The following TTC28 variants were observed in gnomAD, a reference collection of about 807,000 sequenced individuals.
TTC28 encodes tetratricopeptide repeat protein 28.
TTC28 carries 61 observed loss-of-function variants against 198.0 expected under a neutral mutation model. That is an observed-to-expected ratio of 0.31 (90% CI 0.25 to 0.38). TTC28 has a LOEUF of 0.38. TTC28 is among the 10% of genes least tolerant of loss of function. TTC28 has a pLI of 1.00. For synonymous variants in TTC28, 1,171 were observed against 1,297.8 expected (o/e 0.90, Z 2.10); for missense variants, 2,678 against 3,164.0 (o/e 0.85, Z 3.69).
At chr22:28,667,242 G>A (rs893047724) in intron 1 of TTC28, among the ~76,000 whole-genome samples, 20 of 38,674 alleles carry the variant, frequency 5.2e-4, no homozygotes, top group African/African-American at 2.4e-3. Flanking sequence ...ACTGGCACAA[G>A]ACAGGGATGC....
chr22:28,395,257 G>A (rs1447963082), intron 2 of TTC28, among the ~76,000 whole-genome samples: 1 of 152,160 alleles, frequency 6.6e-6, no homozygotes, highest in East Asian at 1.9e-4. Context: ...TACAAAGAGA[G>A]AGCAAATTAA....
chr22:28,673,305 C>G (rs1250318172), intron 1 of TTC28, among the ~76,000 whole-genome samples: 1 of 152,040 alleles, frequency 6.6e-6, no homozygotes. Context: ...ACCCAGAAGG[C>G]GGAGCTTGCA....
intron 1 of TTC28, among the ~76,000 whole-genome samples, chr22:28,634,785 A>G (rs1444433923): frequency 1.3e-5 from 2 of 151,540 alleles, no homozygotes; most frequent in Non-Finnish European, 1.5e-5. Flanking sequence ...CGGTTTTGCC[A>G]TGTTGGCCAG....
At chr22:28,205,586 A>G (rs1926335063) in intron 5 of TTC28, among the ~76,000 whole-genome samples, 1 of 152,144 alleles carries the variant, frequency 6.6e-6, no homozygotes, top group South Asian at 2.1e-4. Context: ...TGATTGACCT[A>G]TTTGGCTAGT....
intron 3 of TTC28, among the ~76,000 whole-genome samples, chr22:28,298,656 G>A (rs1442786991): frequency 6.6e-6 from 1 of 152,120 alleles, no homozygotes; most frequent in East Asian, 1.9e-4. Flanking sequence ...TCATTAGGTT[G>A]CTCAGGCTGT....
intron 12 of TTC28, among the ~76,000 whole-genome samples, chr22:28,093,625 G>A (rs765300487): frequency 6.6e-6 from 1 of 152,086 alleles, no homozygotes; most frequent in Non-Finnish European, 1.5e-5. Context: ...TGAGAGTTCA[G>A]CTCCTTTCAC....
intron 2 of TTC28, among the ~76,000 whole-genome samples, chr22:28,362,702 G>T (rs936013503): frequency 6.6e-5 from 10 of 152,174 alleles, no homozygotes; most frequent in African/African-American, 2.2e-4. Context: ...GTCTCAGATG[G>T]AGATGGGGAA....
intron 2 of TTC28, among the ~76,000 whole-genome samples, chr22:28,391,893 G>A (rs979297690): frequency 5.9e-5 from 9 of 152,208 alleles, no homozygotes; most frequent in East Asian, 1.9e-4. Flanking sequence ...GAGGAACTGC[G>A]TTCCTTTGGA....
chr22:28,072,401 C>T (rs547881127), intron 12 of TTC28, among the ~76,000 whole-genome samples: 2 of 152,202 alleles, frequency 1.3e-5, no homozygotes, highest in East Asian at 1.9e-4. Context: ...ACTGCTAAGT[C>T]GTCATCTGGC....
intron 5 of TTC28, among the ~76,000 whole-genome samples, chr22:28,279,051 A>T (rs560040851): frequency 1.9e-4 from 29 of 152,252 alleles, no homozygotes; most frequent in African/African-American, 7.0e-4. Context: ...TTCTTTCACT[A>T]CCAAGACTTC....
intron 2 of TTC28, among the ~76,000 whole-genome samples, chr22:28,394,442 A>G (rs1356624858): frequency 6.6e-6 from 1 of 152,090 alleles, no homozygotes; most frequent in East Asian, 1.9e-4. Flanking sequence ...TCTTCTCCAA[A>G]CTCTGGGATT....
chr22:28,202,762 T>C (rs748124238), intron 5 of TTC28, among the ~76,000 whole-genome samples: 3 of 152,170 alleles, frequency 2.0e-5, no homozygotes, highest in Non-Finnish European at 4.4e-5. Flanking sequence ...TCTGGTAATT[T>C]AGGCCTGGTT....
intron 2 of TTC28, among the ~76,000 whole-genome samples, chr22:28,465,500 T>C (rs1255952933): frequency 6.6e-6 from 1 of 152,024 alleles, no homozygotes; most frequent in Non-Finnish European, 1.5e-5. Flanking sequence ...GGTGTGTGCC[T>C]GTAATCCCAG....
At chr22:28,195,812 C>A (rs965839094) in intron 5 of TTC28, among the ~76,000 whole-genome samples, 7 of 147,540 alleles carry the variant, frequency 4.7e-5, no homozygotes, top group Admixed American at 4.1e-4. Context: ...GAAGAACATT[C>A]CATGCTCCGG....
At chr22:28,333,838 T>G (rs947400516) in intron 2 of TTC28, among the ~76,000 whole-genome samples, 179 of 152,156 alleles carry the variant, frequency 1.2e-3, no homozygotes, top group African/African-American at 4.1e-3. Flanking sequence ...AAAAAATCAC[T>G]GTATTTTCTT....
chr22:28,286,213 C>T (rs531689321), intron 5 of TTC28, among the ~76,000 whole-genome samples: 1 of 152,086 alleles, frequency 6.6e-6, no homozygotes, highest in Non-Finnish European at 1.5e-5. Flanking sequence ...CATTTTTAGA[C>T]ATGTATATTT....
chr22:28,422,743 C>G (rs1009556115), intron 2 of TTC28, among the ~76,000 whole-genome samples: 1 of 151,988 alleles, frequency 6.6e-6, no homozygotes, highest in African/African-American at 2.4e-5. Context: ...CCGCACCCAG[C>G]CAAATAAGTT....
At chr22:28,373,457 T>G (rs2046366710) in intron 2 of TTC28, among the ~76,000 whole-genome samples, 1 of 152,196 alleles carries the variant, frequency 6.6e-6, no homozygotes, top group Admixed American at 6.5e-5. Context: ...AGAATTCATC[T>G]ATTGGAGAAG....
At chr22:28,342,531 C>A (rs576997498) in intron 2 of TTC28, among the ~76,000 whole-genome samples, 1 of 152,004 alleles carries the variant, frequency 6.6e-6, no homozygotes, top group Non-Finnish European at 1.5e-5. Flanking sequence ...CTTTTATTTT[C>A]GGCTTAAATT....
Sources: allele counts gnomAD v4.1 joint callset (sites outside exome capture counted in the v4.1 genomes callset), GRCh38; gene constraint gnomAD v4.1.1; transcripts MANE v1.5; gene names NCBI Gene and HGNC (gene_info 2026-07-23, HGNC 2026-07-21).